The following WWTR1 variants were observed in gnomAD, a reference collection of about 807,000 sequenced individuals.
WWTR1 encodes WW domain containing transcription regulator 1.
WWTR1 carries 13 observed loss-of-function variants against 40.1 expected under a neutral mutation model. The observed-to-expected ratio is 0.32, with a 90% CI of 0.21 to 0.52. WWTR1 has a LOEUF of 0.52. Ranked by LOEUF, WWTR1 falls within the 20% of genes least tolerant of loss-of-function variation. The pLI is 0.97. For missense variants in WWTR1, 436 were observed against 523.1 expected (o/e 0.83, Z 1.63); for synonymous variants, 230 against 210.1 (o/e 1.09, Z -0.82).
At chr3:149,529,896 C>T (rs1341494946) in intron 4 of WWTR1, among the ~76,000 whole-genome samples, 1 of 152,196 alleles carries the variant, frequency 6.6e-6, no homozygotes, top group Non-Finnish European at 1.5e-5. Flanking sequence ...TCATAACCCT[C>T]ATTATCCAAA....
chr3:149,692,323 C>G (rs1170679208), intron 1 of WWTR1, among the ~76,000 whole-genome samples: 1 of 152,164 alleles, frequency 6.6e-6, no homozygotes, highest in Non-Finnish European at 1.5e-5. Flanking sequence ...TGGAATTTAT[C>G]TCAAGGATGC....
At chr3:149,596,845 T>C (rs1560077498) in intron 2 of WWTR1, among the ~76,000 whole-genome samples, 1 of 152,258 alleles carries the variant, frequency 6.6e-6, no homozygotes. Context: ...TGGAATCAGA[T>C]TGTGTTCCAA....
At position 149,657,087 on chromosome 3, in the gene WWTR1, G is replaced by T. The variant is rs1713283230; in HGVS notation, c.220C>A (p.Pro74Thr). Residue 74 changes from proline (P) to threonine (T), a missense_variant, in exon 2 of 7, where the codon CCG (proline) becomes ACG (threonine). Coordinates refer to ENST00000360632, the MANE Select transcript of WWTR1 (RefSeq NM_015472.6). ...QSSTDSSGGH[P>T]GPRLAGGAQH... ...GCACCCCCAGCCAGTCGAGGCCCCG[G>T]GTGGCCGCCCGACGAGTCGGTGCTG... The T allele has an allele frequency of 8.9e-6, 14 of 1,570,948 alleles. No homozygotes were observed. The highest frequency in any genetic ancestry group is 1.2e-5 in the Non-Finnish European group (14 of 1,161,668).
intron 2 of WWTR1, among the ~76,000 whole-genome samples, chr3:149,575,834 A>C (rs1414645360): frequency 6.6e-6 from 1 of 151,962 alleles, no homozygotes; most frequent in South Asian, 2.1e-4. Flanking sequence ...GCCAGCCTAA[A>C]TCCCCTGGGA....
intron 2 of WWTR1, among the ~76,000 whole-genome samples, chr3:149,584,735 G>C (rs1212432521): frequency 6.6e-6 from 1 of 152,168 alleles, no homozygotes; most frequent in Non-Finnish European, 1.5e-5. Flanking sequence ...AAATGAGGCA[G>C]AGTGGTACAG....
chr3:149,606,042 C>T (rs571223954), intron 2 of WWTR1, among the ~76,000 whole-genome samples: 119 of 152,166 alleles, frequency 7.8e-4, no homozygotes, highest in Non-Finnish European at 1.6e-3. Context: ...ATGAAAGAGG[C>T]CAGAGAGAGC....
At chr3:149,565,953 C>T (rs1312577540) in intron 3 of WWTR1, among the ~76,000 whole-genome samples, 1 of 146,740 alleles carries the variant, frequency 6.8e-6, no homozygotes, top group East Asian at 2.1e-4. Context: ...AAAAAAGAAT[C>T]TCCTCTTCGA....
At chr3:149,590,713 G>A (rs1171445402) in intron 2 of WWTR1, among the ~76,000 whole-genome samples, 1 of 152,190 alleles carries the variant, frequency 6.6e-6, no homozygotes, top group African/African-American at 2.4e-5. Context: ...GTTTCCATGT[G>A]GCAGAGCAGA....
intron 2 of WWTR1, among the ~76,000 whole-genome samples, chr3:149,580,984 G>A (rs899064288): frequency 6.6e-6 from 1 of 152,220 alleles, no homozygotes; most frequent in Non-Finnish European, 1.5e-5. Context: ...TTTGCATAAT[G>A]TGGAGTCGGC....
At chr3:149,567,148 T>C (rs1737366958) in intron 3 of WWTR1, among the ~76,000 whole-genome samples, 1 of 150,680 alleles carries the variant, frequency 6.6e-6, no homozygotes, top group African/African-American at 2.4e-5. Context: ...TGACAGCAGC[T>C]CAGCACACCA....
At chr3:149,628,560 C>T (rs1395813946) in intron 2 of WWTR1, among the ~76,000 whole-genome samples, 1 of 152,054 alleles carries the variant, frequency 6.6e-6, no homozygotes, top group Non-Finnish European at 1.5e-5. Flanking sequence ...GTATCTTTTT[C>T]GGTATCGTGG....
chr3:149,528,034 T>C, intron 4 of WWTR1, 65 bp from the exon 5 acceptor site: 1 of 1,551,266 alleles, frequency 6.4e-7, no homozygotes, highest in Non-Finnish European at 8.7e-7. Context: ...CAAAGTGTAC[T>C]TCACATCAAA....
chr3:149,628,242 C>T (rs902637049), intron 2 of WWTR1, among the ~76,000 whole-genome samples: 2 of 148,414 alleles, frequency 1.3e-5, no homozygotes, highest in Non-Finnish European at 3.0e-5. Context: ...TGGTGGCGGG[C>T]GCCTGTAGTC....
At chr3:149,706,548 C>T (rs142131312), upstream of WWTR1, among the ~76,000 whole-genome samples, 36 of 152,162 alleles carry the variant, frequency 2.4e-4, no homozygotes, top group African/African-American at 8.4e-4. Context: ...GAACTCCTGA[C>T]CTCAGGTGAT....
Position 149,684,384 on chromosome 3 carries a change from C to T in WWTR1, c.-107-14493G>A, listed in dbSNP as rs377369170. Among the ~76,000 whole-genome samples the T allele has an allele frequency of 1.2e-3, 179 of 151,972 alleles. 1 individual carries two copies. Among genetic ancestry groups the T allele is most frequent in the African/African-American group, 2.3e-3 (94 of 41,456 alleles). On this transcript the variant is annotated intron_variant, in intron 1 of 7. Transcript: ENST00000465804. Reference sequence around the variant, plus strand: ...GGAAGGGAAATGTATGGCTGGGACACGGGTGGGAAGGAAACTCTTTATAAA... The same window carrying T: ...GGAAGGGAAATGTATGGCTGGGACATGGGTGGGAAGGAAACTCTTTATAAA...
chr3:149,608,348 T>C (rs1739577944), intron 2 of WWTR1, among the ~76,000 whole-genome samples: 1 of 152,042 alleles, frequency 6.6e-6, no homozygotes, highest in Admixed American at 6.6e-5. Context: ...CACCAGAGCC[T>C]GCACAGTTAG....
Position 149,656,858 on chromosome 3 carries a change from G to T in WWTR1, c.431+18C>A, listed in dbSNP as rs1340440552. ...GGCACTGTGACTTGGTGCCTTCTTC[G>T]GCTCCAGGCTGACTTACTTGAGGAA... On this transcript the variant is annotated intron_variant, in intron 2 of 6. Coordinates refer to ENST00000360632, the MANE Select transcript of WWTR1 (RefSeq NM_015472.6). 6.7e-7 allele frequency: 1 copy of T among 1,498,302 alleles called. No individual in the cohort carries two copies. The allele number at this position is 1,498,302 out of a possible 1,614,324, so 92.8% of individuals were successfully genotyped here.
chr3:149,657,231 T>C lies in WWTR1; in HGVS notation c.76A>G (p.Thr26Ala), dbSNP rs1243863570. The C allele has an allele frequency of 3.1e-6, 5 of 1,613,258 alleles. No homozygotes were observed. Among genetic ancestry groups the C allele is most frequent in the Non-Finnish European group, 4.2e-6 (5 of 1,179,772 alleles). Reference protein sequence around the residue: ...QVIHVTQDLDTDLEALFNSVM... With the variant: ...QVIHVTQDLDADLEALFNSVM... ...GAGTTGAAGAGGGCTTCGAGGTCTG[T>C]GTCTAGGTCCTGCGTGACGTGGATC... Residue 26 changes from threonine (T) to alanine (A), a missense_variant, in exon 2 of 7, where the codon ACA becomes GCA. By Grantham distance (58) the Thr-to-Ala change is moderately conservative (BLOSUM62 0). Transcript: ENST00000360632.
At chr3:149,663,094 G>A (rs369472901) in intron 2 of WWTR1, among the ~76,000 whole-genome samples, 38 of 152,098 alleles carry the variant, frequency 2.5e-4, no homozygotes, top group African/African-American at 7.7e-4. Context: ...GTGCAATGGC[G>A]CAATCTCAGC....
Sources: allele counts gnomAD v4.1 joint callset (sites outside exome capture counted in the v4.1 genomes callset), GRCh38; gene constraint gnomAD v4.1.1; transcripts MANE v1.5; gene names NCBI Gene and HGNC (gene_info 2026-07-23, HGNC 2026-07-21).